The following TENM3 variants were observed in gnomAD, a reference collection of about 807,000 sequenced individuals.
The protein encoded by TENM3 is teneurin transmembrane protein 3, also known as teneurin-3.
In TENM3, 63 loss-of-function variants were observed where a neutral mutation model predicts 255.1. The ratio of observed to expected loss-of-function variants is 0.25; its 90% CI spans 0.20 to 0.30. The LOEUF (loss-of-function observed/expected upper bound fraction) is 0.30. Among genes scored for constraint, TENM3 ranks in the 10% least tolerant of loss-of-function variants. The probability of loss-of-function intolerance (pLI) is 1.00; values close to 1 mark genes in which losing one functional copy is unlikely to be tolerated. For missense variants in TENM3, 2,929 were observed against 3,461.1 expected, an observed-to-expected ratio of 0.85 and a Z score of 3.86; for synonymous variants, 1,306 against 1,322.3, an observed-to-expected ratio of 0.99 and a Z score of 0.27.
intron 3 of TENM3, among the ~76,000 whole-genome samples, chr4:182,398,071 T>C (rs749783997): frequency 1.2e-4 from 19 of 152,140 alleles, no homozygotes; most frequent in Admixed American, 2.6e-4. Context: ...CCCATCAAAA[T>C]AGAAATTCAA....
chr4:181,811,228 T>C, the TENM3 span, among the ~76,000 whole-genome samples: 3 of 152,196 alleles, frequency 2.0e-5, no homozygotes, highest in Non-Finnish European at 2.9e-5. Flanking sequence ...ACCCTAAGAA[T>C]TGAATACCTC....
At chr4:181,994,328 G>T in the TENM3 span, among the ~76,000 whole-genome samples, 1 of 152,064 alleles carries the variant, frequency 6.6e-6, no homozygotes, top group Non-Finnish European at 1.5e-5. Context: ...AGATGCCTTT[G>T]AATAGGATGG....
chr4:181,543,194 G>T, the TENM3 span, among the ~76,000 whole-genome samples: 1 of 152,078 alleles, frequency 6.6e-6, no homozygotes, highest in African/African-American at 2.4e-5. Context: ...TCCACATTTT[G>T]TCCAGAAATT....
chr4:181,918,925 A>G, the TENM3 span, among the ~76,000 whole-genome samples: 2 of 152,202 alleles, frequency 1.3e-5, no homozygotes, highest in African/African-American at 2.4e-5. Context: ...ATTAAATACA[A>G]AAAGGCAACT....
the TENM3 span, among the ~76,000 whole-genome samples, chr4:181,553,597 A>T: frequency 3.3e-5 from 5 of 151,786 alleles, no homozygotes; most frequent in South Asian, 6.3e-4. Context: ...GCCTGCCACC[A>T]CGCCCGGCTA....
intron 11 of TENM3, among the ~76,000 whole-genome samples, chr4:182,686,251 T>A (rs1487089042): frequency 6.6e-6 from 1 of 152,068 alleles, no homozygotes; most frequent in Non-Finnish European, 1.5e-5. Context: ...TATGAAACTT[T>A]GCTATTAGCC....
the TENM3 span, among the ~76,000 whole-genome samples, chr4:181,747,722 T>C: frequency 1.2e-4 from 18 of 152,170 alleles, no homozygotes; most frequent in Admixed American, 9.2e-4. Flanking sequence ...TTTACATCCT[T>C]CTTGAAAAAG....
the TENM3 span, among the ~76,000 whole-genome samples, chr4:181,757,880 G>A: frequency 6.6e-6 from 1 of 152,156 alleles, no homozygotes; most frequent in African/African-American, 2.4e-5. Flanking sequence ...TGTGCTGGAA[G>A]CATCTGTTTT....
intron 1 of TENM3, among the ~76,000 whole-genome samples, chr4:182,192,543 T>A (rs1364170691): frequency 6.6e-6 from 1 of 152,212 alleles, no homozygotes; most frequent in Non-Finnish European, 1.5e-5. Context: ...CAACAGAGAA[T>A]CAAATACTTT....
chr4:182,783,687 G>C (rs922779887), intron 24 of TENM3, among the ~76,000 whole-genome samples: 1 of 151,904 alleles, frequency 6.6e-6, no homozygotes, highest in Non-Finnish European at 1.5e-5. Flanking sequence ...TCACTTTCAG[G>C]TACACCAATC....
At chr4:181,972,364 C>T in the TENM3 span, among the ~76,000 whole-genome samples, 56 of 146,084 alleles carry the variant, frequency 3.8e-4, no homozygotes, top group African/African-American at 1.3e-3. Flanking sequence ...GGCTGCAGTG[C>T]AGTCAAGGCA....
chr4:181,766,887 C>T, the TENM3 span, among the ~76,000 whole-genome samples: 1 of 152,184 alleles, frequency 6.6e-6, no homozygotes, highest in East Asian at 1.9e-4. Context: ...TAACACAATA[C>T]TCTAATTTGA....
rs758457707 is a variant in TENM3, at chr4:182,789,191, C to T, written c.5403C>T (p.Tyr1801=). The change falls in exon 25 of 28, where the codon TAC becomes TAT. Residue 1801 remains tyrosine, a synonymous_variant. Transcript: ENST00000511685. The surrounding 1 kb of genome is among the most constrained non-coding windows in gnomAD (Gnocchi z 4.4). The part of the protein sequence containing the change: ...DHRKFLLRIA[Y]DTSGHPTLWL... Reference sequence around the variant, plus strand: ...GTAAATTTCTACTGAGGATCGCCTACGACACGTCTGGGCACCCGACTCTCT... The same window carrying T: ...GTAAATTTCTACTGAGGATCGCCTATGACACGTCTGGGCACCCGACTCTCT... 1.7e-5 allele frequency: 28 copies of T among 1,612,818 alleles called. No homozygotes were observed. Among genetic ancestry groups the T allele is most frequent in the South Asian group, 3.3e-5 (3 of 90,802 alleles).
the TENM3 span, among the ~76,000 whole-genome samples, chr4:181,868,178 G>A: frequency 6.6e-6 from 1 of 151,976 alleles, no homozygotes; most frequent in East Asian, 1.9e-4. Flanking sequence ...CTTTCACCAG[G>A]ACCCACCCCA....
chr4:182,652,025 C>G (rs1367924212), intron 5 of TENM3, among the ~76,000 whole-genome samples: 1 of 152,214 alleles, frequency 6.6e-6, no homozygotes, highest in Non-Finnish European at 1.5e-5. Context: ...CCTCTCTTAG[C>G]CTTACGCATT....
the TENM3 span, among the ~76,000 whole-genome samples, chr4:181,800,188 C>T: frequency 2.0e-5 from 3 of 152,118 alleles, no homozygotes; most frequent in Non-Finnish European, 4.4e-5. Flanking sequence ...AACTCCTAAC[C>T]GTGTAATGAC....
chr4:181,619,735 C>G, the TENM3 span, among the ~76,000 whole-genome samples: 1 of 152,126 alleles, frequency 6.6e-6, no homozygotes, highest in African/African-American at 2.4e-5. Context: ...AACCTCAGTA[C>G]TCATTTTAAA....
At chr4:182,751,343 C>T (rs990539843) in intron 19 of TENM3, among the ~76,000 whole-genome samples, 1 of 152,144 alleles carries the variant, frequency 6.6e-6, no homozygotes, top group African/African-American at 2.4e-5. Flanking sequence ...AAGGATAATA[C>T]CCTATGGTGA....
At position 182,155,416 on chromosome 4, in the gene TENM3, G is replaced by A. The variant is rs371776886; in HGVS notation, c.-76+10662G>A. Among the ~76,000 whole-genome samples, 17 of 151,990 alleles carry A rather than the reference G, an allele frequency of 1.1e-4. No homozygotes were observed. In the South Asian group the frequency reaches 1.7e-3, roughly 15 times the overall value. On this transcript the variant is annotated intron_variant, in intron 1 of 2. Coordinates refer to the TENM3 transcript ENST00000512480. ...TATAATTGTCACATTTCTGTTCTGCGTCATCTTCTCAAATATTTTATATCT... is the reference window on the plus strand; with the variant it reads ...TATAATTGTCACATTTCTGTTCTGCATCATCTTCTCAAATATTTTATATCT...
Sources: allele counts gnomAD v4.1 joint callset (sites outside exome capture counted in the v4.1 genomes callset), GRCh38; gene constraint gnomAD v4.1.1; non-coding constraint Gnocchi (gnomAD v3.1); transcripts MANE v1.5; gene names NCBI Gene and HGNC (gene_info 2026-07-23, HGNC 2026-07-21).